SLC26A7: variants seen among roughly 807,000 people sequenced by gnomAD.
SLC26A7 encodes the protein solute carrier family 26 member 7.
In SLC26A7, 59 loss-of-function variants were observed where a neutral mutation model predicts 82.5. The ratio of observed to expected loss-of-function variants is 0.72; its 90% CI spans 0.58 to 0.89. The LOEUF (loss-of-function observed/expected upper bound fraction) is 0.89. Among genes scored for constraint, SLC26A7 ranks in the 40% least tolerant of loss-of-function variants. SLC26A7 has a pLI of 0.00. For synonymous variants in SLC26A7, 271 were observed against 274.3 expected, an observed-to-expected ratio of 0.99 and a Z score of 0.12; for missense variants, 820 against 793.0, an observed-to-expected ratio of 1.03 and a Z score of -0.41.
chr8:91,281,111 A>T (rs539552432), intron 2 of SLC26A7, among the ~76,000 whole-genome samples: 1 of 152,374 alleles, frequency 6.6e-6, no homozygotes, highest in African/African-American at 2.4e-5. Context: ...AGATTGCTTT[A>T]AAAAGTCTTA....
chr8:91,250,481 T>A (rs1810628330), intron 2 of SLC26A7, among the ~76,000 whole-genome samples: 1 of 152,144 alleles, frequency 6.6e-6, no homozygotes, highest in South Asian at 2.1e-4. Flanking sequence ...GACTAAATGA[T>A]ATTCTGGATT....
intron 2 of SLC26A7, among the ~76,000 whole-genome samples, chr8:91,219,784 A>T (rs1243841179): frequency 1.3e-5 from 2 of 152,200 alleles, no homozygotes; most frequent in Non-Finnish European, 2.9e-5. Flanking sequence ...AGTGTGGCCC[A>T]GAAATCGCTA....
At chr8:91,391,846 G>A (rs1395239176) in intron 16 of SLC26A7, among the ~76,000 whole-genome samples, 2 of 151,260 alleles carry the variant, frequency 1.3e-5, no homozygotes, top group East Asian at 1.9e-4. Context: ...GGTTTTTGTT[G>A]TTGTTGTTGT....
intron 15 of SLC26A7, among the ~76,000 whole-genome samples, chr8:91,388,660 A>G (rs1814870084): frequency 6.6e-6 from 1 of 152,154 alleles, no homozygotes; most frequent in Non-Finnish European, 1.5e-5. Context: ...TGTCACTGTT[A>G]AGAAATAGGT....
At chr8:91,239,391 A>T (rs1309870305) in intron 2 of SLC26A7, among the ~76,000 whole-genome samples, 4,418 of 104,120 alleles carry the variant, frequency 0.042, 73 homozygotes, top group Middle Eastern at 0.091. Context: ...AAAAAAAAAA[A>T]AAAAATATAT....
chr8:91,276,858 C>T (rs994993435), intron 2 of SLC26A7, among the ~76,000 whole-genome samples: 1 of 152,116 alleles, frequency 6.6e-6, no homozygotes, highest in Non-Finnish European at 1.5e-5. Flanking sequence ...CCCAGAAAAC[C>T]AGAAACCACT....
intron 2 of SLC26A7, among the ~76,000 whole-genome samples, chr8:91,252,108 C>T (rs553787363): frequency 3.3e-5 from 5 of 152,190 alleles, no homozygotes; most frequent in Admixed American, 2.6e-4. Flanking sequence ...TGCATCATAA[C>T]GCAAACAATA....
chr8:91,264,601 G>C (rs955112670), intron 2 of SLC26A7, among the ~76,000 whole-genome samples: 2 of 151,724 alleles, frequency 1.3e-5, no homozygotes, highest in African/African-American at 4.8e-5. Context: ...TTCTATTGTT[G>C]ATAGCTCTGT....
intron 4 of SLC26A7, among the ~76,000 whole-genome samples, chr8:91,315,554 A>G (rs990681723): frequency 2.0e-5 from 3 of 152,076 alleles, no homozygotes; most frequent in African/African-American, 7.2e-5. Context: ...ACAGTCGCTA[A>G]AAAAATGTTA....
chr8:91,360,552 ATAAG>A (rs889865413), intron 11 of SLC26A7, among the ~76,000 whole-genome samples: 1 of 152,176 alleles, frequency 6.6e-6, no homozygotes, highest in African/African-American at 2.4e-5. Flanking sequence ...GCCCCAGGAA[ATAAG>A]TAAGCATTTG....
At chr8:91,322,440 T>G (rs964433716) in intron 5 of SLC26A7, among the ~76,000 whole-genome samples, 4 of 152,172 alleles carry the variant, frequency 2.6e-5, no homozygotes, top group Non-Finnish European at 5.9e-5. Flanking sequence ...ATTCTTGGCT[T>G]CCTTTAAATT....
At chr8:91,239,428 G>A (rs1340904644) in intron 2 of SLC26A7, among the ~76,000 whole-genome samples, 1 of 139,586 alleles carries the variant, frequency 7.2e-6, no homozygotes, top group Non-Finnish European at 1.5e-5. Context: ...GTATATATAT[G>A]TATATATGTG....
chr8:91,332,144 C>CAT (rs58505719), intron 5 of SLC26A7, among the ~76,000 whole-genome samples: 5,209 of 144,150 alleles, frequency 0.036, 266 homozygotes, highest in African/African-American at 0.12. Flanking sequence ...TTAAATTTTT[C>CAT]ATATATATAT....
intron 12 of SLC26A7, 51 bp from the exon 13 acceptor site, chr8:91,363,421 T>C: frequency 2.6e-6 from 3 of 1,167,644 alleles, no homozygotes; most frequent in Non-Finnish European, 3.7e-6. Context: ...TCATTGTTTA[T>C]ATAATGATTA....
intron 4 of SLC26A7, among the ~76,000 whole-genome samples, chr8:91,301,148 T>A (rs1013389844): frequency 1.3e-5 from 2 of 152,204 alleles, no homozygotes; most frequent in African/African-American, 4.8e-5. Flanking sequence ...TTAATTTTCT[T>A]CTTTAGTATT....
At chr8:91,372,088 C>A (rs1016303597) in intron 15 of SLC26A7, among the ~76,000 whole-genome samples, 1 of 151,258 alleles carries the variant, frequency 6.6e-6, no homozygotes, top group African/African-American at 2.4e-5. Context: ...GGGTTATTTT[C>A]TTTTTCTCAT....
chr8:91,209,941 A>G (rs1809877209), intron 1 of SLC26A7, among the ~76,000 whole-genome samples: 1 of 152,180 alleles, frequency 6.6e-6, no homozygotes, highest in Non-Finnish European at 1.5e-5. Context: ...GCAAGGTACT[A>G]TGCTAAGCTC....
rs192963996 is a variant in SLC26A7 at position 91,280,322 on chromosome 8, C to A, written c.194-8814C>A. Among the ~76,000 whole-genome samples, 6 of 152,288 alleles carry A rather than the reference C, an allele frequency of 3.9e-5. No homozygotes were observed. The East Asian group carries it at 5.8e-4, about 15-fold the overall frequency. On this transcript the variant is annotated intron_variant, in intron 2 of 18. Coordinates refer to ENST00000276609, the MANE Select transcript of SLC26A7 (RefSeq NM_052832.4). ...CAACATATGTAAGATTTAGGACTTA[C>A]GAGACCTGGATCTGTCTCTTGGCTC...
intron 8 of SLC26A7, among the ~76,000 whole-genome samples, chr8:91,341,201 T>G (rs1813402387): frequency 6.6e-6 from 1 of 151,272 alleles, no homozygotes; most frequent in Non-Finnish European, 1.5e-5. Context: ...TGTGATCTCA[T>G]TGTTCAATTC....
Sources: gnomAD v4.1 joint callset for allele counts (sites outside exome capture counted in the v4.1 genomes callset) on GRCh38, gnomAD v4.1.1 for gene constraint, MANE v1.5 for transcripts, NCBI Gene and HGNC (gene_info 2026-07-23, HGNC 2026-07-21) for gene names.